The following ADGRG6 variants were observed in gnomAD, a reference collection of about 807,000 sequenced individuals.
ADGRG6 encodes adhesion G protein-coupled receptor G6.
Under a neutral mutation model 142.4 loss-of-function variants are expected in ADGRG6, and 84 were observed. The ratio of observed to expected loss-of-function variants is 0.59; its 90% CI spans 0.49 to 0.71. ADGRG6 has a LOEUF of 0.71. Ranked by LOEUF, ADGRG6 falls within the 30% of genes least tolerant of loss-of-function variation. The pLI is 0.00. For missense variants in ADGRG6, 1,367 were observed against 1,466.6 expected, an observed-to-expected ratio of 0.93 and a Z score of 1.11; for synonymous variants, 521 against 520.5, an observed-to-expected ratio of 1.00 and a Z score of -0.01.
At chr6:142,348,169 G>A (rs538234583) in intron 2 of ADGRG6, among the ~76,000 whole-genome samples, 6 of 152,114 alleles carry the variant, frequency 3.9e-5, no homozygotes, top group East Asian at 1.9e-4. Context: ...CATACCGCCC[G>A]CTTACCAGAA....
At chr6:142,305,314 T>G (rs1777434183) in intron 1 of ADGRG6, among the ~76,000 whole-genome samples, 1 of 152,040 alleles carries the variant, frequency 6.6e-6, no homozygotes, top group Non-Finnish European at 1.5e-5. Flanking sequence ...ATAAAAGTTA[T>G]GCAAAGAACA....
At chr6:142,428,966 A>G (rs773623995) in intron 22 of ADGRG6, among the ~76,000 whole-genome samples, 3 of 152,050 alleles carry the variant, frequency 2.0e-5, no homozygotes, top group East Asian at 1.9e-4. Flanking sequence ...TGCTTTTGCT[A>G]TTTTTGCTGT....
chr6:142,302,333 T>C lies in ADGRG6; in HGVS notation c.2+2T>C. On this transcript the variant is annotated splice_donor_variant, in intron 1 of 24. Transcript: ENST00000367609. LOFTEE classifies it high-confidence loss of function. ...ACCTCGGCGCAGTAATGTCAACATGTAAGTCTCACCTTTCAGCTTGGAATT... is the reference window on the plus strand; with the variant it reads ...ACCTCGGCGCAGTAATGTCAACATGCAAGTCTCACCTTTCAGCTTGGAATT... 1 of 1,612,946 alleles carries C rather than the reference T, an allele frequency of 6.2e-7. No homozygotes were observed.
chr6:142,416,105 T>C (rs776409694), intron 20 of ADGRG6, 41 bp downstream of exon 20: 29 of 1,475,558 alleles, frequency 2.0e-5, no homozygotes, highest in Non-Finnish European at 2.7e-5. Flanking sequence ...TTTTCCCTCA[T>C]GAAAATTGCC....
intron 18 of ADGRG6, among the ~76,000 whole-genome samples, chr6:142,414,059 G>T (rs1443393831): frequency 6.6e-6 from 1 of 152,032 alleles, no homozygotes; most frequent in Admixed American, 6.6e-5. Context: ...AAAAGTTTAC[G>T]CTAGATATTC....
At chr6:142,377,720 C>T (rs577842084) in intron 4 of ADGRG6, among the ~76,000 whole-genome samples, 40 of 152,188 alleles carry the variant, frequency 2.6e-4, no homozygotes, top group African/African-American at 9.4e-4. Context: ...TGTGTAAATC[C>T]ATCAGCCAAA....
chr6:142,438,284 C>A lies in ADGRG6; in HGVS notation c.3494C>A (p.Ser1165Tyr), dbSNP rs776064384. The A allele has an allele frequency of 6.2e-7, 1 of 1,603,430 alleles. No individual in the cohort carries two copies. Among genetic ancestry groups the A allele is most frequent in the Non-Finnish European group, 8.5e-7 (1 of 1,172,202 alleles). Residue 1165 changes from serine (S) to tyrosine (Y), a missense_variant, in exon 24 of 25, where the codon TCC becomes TAC. Physicochemically the swap from Ser to Tyr is moderately radical, Grantham distance 144. Transcript: ENST00000367609. ...CTAGGAAAATCTTTGTCTTCAAGCT[C>A]CATTGGTTCCAACTCAACCTATCTT... is the stretch of plus-strand genomic sequence containing the variant. ...DNLGKSLSSS[S>Y]IGSNSTYLTS...
In ADGRG6 at chr6:142,415,066, C is replaced by G. The variant is rs1776288484; in HGVS notation, c.2639C>G (p.Ala880Gly). The change falls in exon 19 of 25, where the codon GCA (alanine) becomes GGA (glycine). Residue 880 changes from alanine (A) to glycine (G), a missense_variant. Ala to Gly is a moderately conservative substitution (Grantham distance 60, BLOSUM62 0). This residue lies in a region of ADGRG6 where 286 missense variants were observed against 371.4 expected (regional missense o/e 0.77). Transcript: ENST00000367609. ...TGTGGAATATCTGCTATTTTTTCAG[C>G]AGCAACTCTCCTGACATATGTTGCT... ...IGCGISAIFS[A>G]ATLLTYVAFE... 6.2e-7 allele frequency: 1 copy of G among 1,611,518 alleles called. No individual in the cohort carries two copies. Among genetic ancestry groups the G allele is most frequent in the African/African-American group, 1.3e-5 (1 of 74,804 alleles).
chr6:142,354,114 A>C (rs1477245455), intron 2 of ADGRG6, among the ~76,000 whole-genome samples: 1 of 152,234 alleles, frequency 6.6e-6, no homozygotes, highest in Non-Finnish European at 1.5e-5. Context: ...TTTAATGTTC[A>C]GCCCTCCTGT....
chr6:142,438,714 A>G (rs1156352427), intron 24 of ADGRG6, among the ~76,000 whole-genome samples: 4 of 152,178 alleles, frequency 2.6e-5, no homozygotes, highest in Admixed American at 2.6e-4. Flanking sequence ...TCAGCATAGT[A>G]TGATAATTAC....
chr6:142,307,108 C>T (rs936261939), intron 1 of ADGRG6, among the ~76,000 whole-genome samples: 4 of 152,058 alleles, frequency 2.6e-5, no homozygotes, highest in Non-Finnish European at 5.9e-5. Flanking sequence ...TGCCTGAGCG[C>T]ATAAACAGTG....
intron 7 of ADGRG6, among the ~76,000 whole-genome samples, chr6:142,390,978 T>C (rs1774867371): frequency 6.6e-6 from 1 of 151,830 alleles, no homozygotes; most frequent in African/African-American, 2.4e-5. Flanking sequence ...GTTTTTTTTG[T>C]TTTGAAAAAA....
At position 142,305,700 on chromosome 6, in the gene ADGRG6, C is replaced by A. The variant is rs184498514; in HGVS notation, c.2+3369C>A. On this transcript the variant is annotated intron_variant, in intron 1 of 24. Transcript: ENST00000367609. ...ACTTCTCTTTTTCAGATTTCCCAAGCTTTATGTGTAGTCATTCTTGTGTAC... is the reference window on the plus strand; with the variant it reads ...ACTTCTCTTTTTCAGATTTCCCAAGATTTATGTGTAGTCATTCTTGTGTAC... Among the ~76,000 whole-genome samples, 179 of 152,182 alleles carry A rather than the reference C, an allele frequency of 1.2e-3. 1 individual carries two copies. The highest frequency in any genetic ancestry group is 4.0e-3 in the African/African-American group (166 of 41,510).
At chr6:142,417,665 C>T (rs1324960223) in intron 21 of ADGRG6, among the ~76,000 whole-genome samples, 1 of 152,184 alleles carries the variant, frequency 6.6e-6, no homozygotes, top group Non-Finnish European at 1.5e-5. Context: ...ACTCTCACCT[C>T]CTCAAACCCA....
intron 2 of ADGRG6, among the ~76,000 whole-genome samples, chr6:142,342,018 C>A (rs1407809248): frequency 6.6e-6 from 1 of 151,956 alleles, no homozygotes. Context: ...GCCTAGAAAA[C>A]AGTTTTTTGG....
intron 22 of ADGRG6, among the ~76,000 whole-genome samples, chr6:142,429,484 T>G (rs376013340): frequency 7.9e-5 from 12 of 152,136 alleles, no homozygotes; most frequent in African/African-American, 2.9e-4. Flanking sequence ...AGAGAAATAA[T>G]TTTCTAAAGG....
chr6:142,443,231 T>A, intron 24 of ADGRG6, 106 bp from the exon 25 acceptor site: 1 of 640,322 alleles, frequency 1.6e-6, no homozygotes, highest in Non-Finnish European at 2.7e-6. Flanking sequence ...GGAGCTTTAT[T>A]TTCTTTTGTT....
At chr6:142,345,480 T>C (rs1020559965) in intron 2 of ADGRG6, among the ~76,000 whole-genome samples, 7 of 152,076 alleles carry the variant, frequency 4.6e-5, no homozygotes, top group Admixed American at 3.9e-4. Flanking sequence ...CACATCATGA[T>C]CAACTGTGTT....
intron 2 of ADGRG6, among the ~76,000 whole-genome samples, chr6:142,336,778 G>T (rs1367800794): frequency 6.6e-6 from 1 of 152,180 alleles, no homozygotes; most frequent in Admixed American, 6.5e-5. Flanking sequence ...CTATGCAGAT[G>T]AGCAAACTGA....
Sources: gnomAD v4.1 joint callset for allele counts (sites outside exome capture counted in the v4.1 genomes callset) on GRCh38, gnomAD v4.1.1 for gene constraint, gnomAD v4.1.1 regional missense constraint, MANE v1.5 for transcripts, NCBI Gene and HGNC (gene_info 2026-07-23, HGNC 2026-07-21) for gene names.